The following ACAP2 variants were observed in gnomAD, a reference collection of about 807,000 sequenced individuals.
ACAP2 encodes the protein arf-GAP with coiled-coil, ANK repeat and PH domain-containing protein 2.
A neutral mutation model predicts 115.8 loss-of-function variants in ACAP2; 39 were observed. That is an observed-to-expected ratio of 0.34 (90% CI 0.26 to 0.44). ACAP2 has a LOEUF of 0.44. Among genes scored for constraint, ACAP2 ranks in the 20% least tolerant of loss-of-function variants. The probability of loss-of-function intolerance (pLI) is 1.00; values close to 1 mark genes in which losing one functional copy is unlikely to be tolerated. For synonymous variants in ACAP2, 289 were observed against 315.8 expected, an observed-to-expected ratio of 0.92 and a Z score of 0.90; for missense variants, 662 against 927.6, an observed-to-expected ratio of 0.71 and a Z score of 3.72.
intron 4 of ACAP2, among the ~76,000 whole-genome samples, chr3:195,377,763 A>G (rs1293665417): frequency 1.3e-5 from 2 of 152,190 alleles, no homozygotes; most frequent in African/African-American, 4.8e-5. Flanking sequence ...AGGACTCACA[A>G]TTTCATTTTT....
At chr3:195,356,148 C>A (rs6437374) in intron 4 of ACAP2, 1 of 456,096 alleles carries the variant, frequency 2.2e-6, no homozygotes, top group African/African-American at 2.0e-5. Context: ...CCCATGCGCT[C>A]GTAGCAACCA....
intron 2 of ACAP2, among the ~76,000 whole-genome samples, chr3:195,391,540 T>C (rs1734676998): frequency 6.6e-6 from 1 of 151,852 alleles, no homozygotes. Context: ...AAAAAGCTTC[T>C]AACAACATAA....
intron 4 of ACAP2, among the ~76,000 whole-genome samples, chr3:195,351,401 G>A (rs1455936725): frequency 6.6e-6 from 1 of 151,526 alleles, no homozygotes; most frequent in African/African-American, 2.4e-5. Context: ...ACAGGCGTGA[G>A]TCACCACGCC....
At chr3:195,322,552 G>C (rs1052787285) in intron 9 of ACAP2, among the ~76,000 whole-genome samples, 18 of 152,014 alleles carry the variant, frequency 1.2e-4, no homozygotes, top group African/African-American at 4.1e-4. Context: ...TCAAATGAAG[G>C]AGAATCTGTA....
Position 195,285,837 on chromosome 3 carries a change from T to C in ACAP2, c.2195A>G (p.Asn732Ser). ...TCCTTCTGATTCCCGCATCTCTTCA[T>C]TCATTCTTGCTAAACGTAACCTAAA... is the stretch of plus-strand genomic sequence containing the variant. ...IVTLLRLARM[N>S]EEMRESEGLY... The change falls in exon 22 of 23, where the codon AAT becomes AGT. Residue 732 changes from asparagine to serine, a missense_variant. Coordinates refer to ENST00000326793, the MANE Select transcript of ACAP2 (RefSeq NM_012287.6). 2 of 1,612,354 alleles carry C rather than the reference T, an allele frequency of 1.2e-6. No individual in the cohort carries two copies. Among genetic ancestry groups the C allele is most frequent in the Non-Finnish European group, 1.7e-6 (2 of 1,179,478 alleles).
chr3:195,440,947 A>G (rs1715943498), intron 1 of ACAP2, among the ~76,000 whole-genome samples: 1 of 152,216 alleles, frequency 6.6e-6, no homozygotes, highest in South Asian at 2.1e-4. Context: ...TATTTTAATT[A>G]ACATAGAATT....
intron 4 of ACAP2, among the ~76,000 whole-genome samples, chr3:195,351,136 G>GT (rs201758831): frequency 1.0e-5 from 1 of 98,432 alleles, no homozygotes; most frequent in African/African-American, 3.0e-5. Flanking sequence ...TTTTGGGCGG[G>GT]GGACAGGGTC....
chr3:195,354,138 C>T (rs951326992), intron 4 of ACAP2, among the ~76,000 whole-genome samples: 4 of 152,206 alleles, frequency 2.6e-5, no homozygotes, highest in Admixed American at 2.6e-4. Flanking sequence ...TAATGGCCTC[C>T]AGCTCCATCC....
intron 7 of ACAP2, among the ~76,000 whole-genome samples, chr3:195,333,623 A>T (rs955446255): frequency 6.6e-6 from 1 of 152,374 alleles, no homozygotes; most frequent in East Asian, 1.9e-4. Flanking sequence ...TAACATTTTT[A>T]AAATGCTCAA....
chr3:195,412,982 G>C (rs2108814710), intron 1 of ACAP2: 1 of 428,076 alleles, frequency 2.3e-6, no homozygotes, highest in South Asian at 1.7e-5. Flanking sequence ...TATTACAAGT[G>C]CTTTTAAGAA....
chr3:195,282,176 A>G (rs1302535770), intron 22 of ACAP2: 4 of 152,216 alleles, frequency 2.6e-5, no homozygotes, highest in Admixed American at 2.6e-4. Flanking sequence ...GAACTTTTTA[A>G]ATGGTTTCTC....
chr3:195,406,578 C>G (rs1195025937), intron 1 of ACAP2, among the ~76,000 whole-genome samples: 3 of 152,228 alleles, frequency 2.0e-5, no homozygotes, highest in Admixed American at 6.5e-5. Context: ...GTGATCCTCC[C>G]ACCCTGACCT....
chr3:195,289,930 T>A (rs756443177), intron 20 of ACAP2, among the ~76,000 whole-genome samples: 1 of 151,982 alleles, frequency 6.6e-6, no homozygotes. Flanking sequence ...AACTTCATAA[T>A]AATAATACAA....
At chr3:195,426,753 A>C (rs996230650) in intron 1 of ACAP2, among the ~76,000 whole-genome samples, 2 of 152,254 alleles carry the variant, frequency 1.3e-5, no homozygotes, top group Non-Finnish European at 2.9e-5. Context: ...CAAAATTTGC[A>C]CTATGATTAT....
chr3:195,357,069 A>G (rs1218297722), intron 4 of ACAP2, among the ~76,000 whole-genome samples: 1 of 151,980 alleles, frequency 6.6e-6, no homozygotes, highest in East Asian at 1.9e-4. Context: ...CACCTCTGGA[A>G]CTACCCTAAG....
chr3:195,296,892 T>C (rs556063086), intron 16 of ACAP2, among the ~76,000 whole-genome samples: 18 of 152,300 alleles, frequency 1.2e-4, no homozygotes, highest in African/African-American at 3.8e-4. Context: ...TATCCCTTTT[T>C]GAATGCTACC....
At chr3:195,411,367 G>A (rs183918437) in intron 1 of ACAP2, among the ~76,000 whole-genome samples, 1 of 152,222 alleles carries the variant, frequency 6.6e-6, no homozygotes, top group Non-Finnish European at 1.5e-5. Context: ...TAGATAAAAC[G>A]TGAAAGCAAT....
chr3:195,378,515 CA>C (rs61041295), intron 4 of ACAP2, among the ~76,000 whole-genome samples: 99 of 148,014 alleles, frequency 6.7e-4, no homozygotes, highest in African/African-American at 2.3e-3. Flanking sequence ...AACAAACAAA[CA>C]AAAAAAAACA....
intron 9 of ACAP2, chr3:195,325,441 T>A (rs952804728): frequency 1.9e-5 from 8 of 414,460 alleles, no homozygotes; most frequent in Admixed American, 5.5e-5. Context: ...TTTTTTTTTT[T>A]ACCTGTAACG....
Sources: gnomAD v4.1 joint callset for allele counts (sites outside exome capture counted in the v4.1 genomes callset) on GRCh38, gnomAD v4.1.1 for gene constraint, MANE v1.5 for transcripts, NCBI Gene and HGNC (gene_info 2026-07-23, HGNC 2026-07-21) for gene names.